Variants in DOK6 observed in about 807,000 individuals in gnomAD.
DOK6 encodes docking protein 6.
Under a neutral mutation model 44.0 loss-of-function variants are expected in DOK6, and 22 were observed. The observed-to-expected ratio is 0.50, with a 90% CI of 0.36 to 0.71. DOK6 has a LOEUF of 0.71. Among genes scored for constraint, DOK6 ranks in the 30% least tolerant of loss-of-function variants. DOK6 has a pLI of 0.00. For missense variants in DOK6, 340 were observed against 416.4 expected, an observed-to-expected ratio of 0.82 and a Z score of 1.60; for synonymous variants, 166 against 145.5, an observed-to-expected ratio of 1.14 and a Z score of -1.01.
intron 1 of DOK6, among the ~76,000 whole-genome samples, chr18:69,440,451 A>C (rs770479377): frequency 6.6e-6 from 1 of 152,102 alleles, no homozygotes; most frequent in Non-Finnish European, 1.5e-5. Flanking sequence ...AAACACAATA[A>C]ATTTAAGTAC....
intron 1 of DOK6, among the ~76,000 whole-genome samples, chr18:69,444,114 T>C (rs1979213859): frequency 6.6e-6 from 1 of 152,138 alleles, no homozygotes; most frequent in Admixed American, 6.6e-5. Context: ...AGACAGGATA[T>C]TAAAATATGT....
chr18:69,540,541 A>G (rs996475926), intron 1 of DOK6, among the ~76,000 whole-genome samples: 2 of 152,152 alleles, frequency 1.3e-5, no homozygotes, highest in African/African-American at 4.8e-5. Context: ...ATTAAGTCAT[A>G]ATCTATTTCC....
At chr18:69,717,941 G>A (rs188635650) in intron 5 of DOK6, among the ~76,000 whole-genome samples, 9 of 152,260 alleles carry the variant, frequency 5.9e-5, no homozygotes, top group Admixed American at 2.0e-4. Context: ...TCAAAGAATC[G>A]GAATATAGAA....
intron 3 of DOK6, among the ~76,000 whole-genome samples, chr18:69,668,778 T>C (rs1985722683): frequency 6.6e-6 from 1 of 152,196 alleles, no homozygotes; most frequent in African/African-American, 2.4e-5. Context: ...ACATGATAAA[T>C]ATATAAAATT....
Position 69,842,598 on chromosome 18 carries a change from A to G in DOK6, c.*1215A>G, listed in dbSNP as rs1025868634. 2.0e-5 allele frequency: 3 copies of G among 152,138 alleles called. No individual in the cohort carries two copies. The highest frequency in any genetic ancestry group is 1.5e-5 in the Non-Finnish European group (1 of 68,022). The allele number at this position is 152,138 out of a possible 1,614,324, so 9.4% of individuals were successfully genotyped here. A position where few individuals can be genotyped will look rare whatever the true frequency, so the allele number is the denominator to read the frequency against. On this transcript the variant is annotated 3_prime_UTR_variant, in exon 8 of 8. Transcript: ENST00000382713. ...CTTGCAGGGCTTTATTTTTTCTTTT[A>G]CTGGACACAGGTTGTCTGAGATTAT...
At chr18:69,691,039 G>T (rs1986253113) in intron 4 of DOK6, among the ~76,000 whole-genome samples, 1 of 151,836 alleles carries the variant, frequency 6.6e-6, no homozygotes, top group East Asian at 1.9e-4. Context: ...TCAAACATTA[G>T]CTGGGCATAG....
At chr18:69,550,777 CTTTTTT>C (rs10538639) in intron 1 of DOK6, among the ~76,000 whole-genome samples, 5 of 121,436 alleles carry the variant, frequency 4.1e-5, no homozygotes, top group Admixed American at 8.7e-5. Context: ...TTGTTTCTTT[CTTTTTT>C]TTTTTTTTTT....
chr18:69,625,843 C>T (rs4243311), intron 3 of DOK6, among the ~76,000 whole-genome samples: 104,309 of 152,052 alleles, frequency 0.69, 39,499 homozygotes, highest in Non-Finnish European at 0.85. Context: ...TTTGTCTCAA[C>T]GGTTTAATGC....
rs187896020 is a variant in DOK6 at position 69,564,758 on chromosome 18, T to C, written c.174+164T>C. Among the ~76,000 whole-genome samples the C allele has an allele frequency of 5.9e-5, 9 of 152,328 alleles. No homozygotes were observed. In the East Asian group the frequency reaches 7.7e-4, roughly 13 times the overall value. ...GTTATTTTTCTCCTTTAATTATCTGTTGTAAATGCCAGTGCTACCTCTGTG... is the reference window on the plus strand; with the variant it reads ...GTTATTTTTCTCCTTTAATTATCTGCTGTAAATGCCAGTGCTACCTCTGTG... On this transcript the variant is annotated intron_variant, in intron 2 of 7. Coordinates refer to ENST00000382713, the MANE Select transcript of DOK6 (RefSeq NM_152721.6).
chr18:69,776,864 T>C (rs1190903508), intron 7 of DOK6, among the ~76,000 whole-genome samples: 1 of 151,930 alleles, frequency 6.6e-6, no homozygotes, highest in Non-Finnish European at 1.5e-5. Context: ...GTATTAGACA[T>C]GACATCAGTT....
chr18:69,814,038 C>A (rs1981323615), intron 7 of DOK6, among the ~76,000 whole-genome samples: 1 of 151,636 alleles, frequency 6.6e-6, no homozygotes, highest in Non-Finnish European at 1.5e-5. Flanking sequence ...AGGGAGGAGA[C>A]ACCAGCAGAA....
intron 1 of DOK6, among the ~76,000 whole-genome samples, chr18:69,544,234 G>A: frequency 6.7e-6 from 1 of 149,878 alleles, no homozygotes; most frequent in South Asian, 2.1e-4. Flanking sequence ...CTCCAGCCTG[G>A]GTGACAGGGC....
chr18:69,401,430 A>T, intron 1 of DOK6, 120 bp downstream of exon 1: 1 of 1,108,750 alleles, frequency 9.0e-7, no homozygotes, highest in Non-Finnish European at 1.2e-6. Flanking sequence ...CCCGGCCCTT[A>T]GGCGGATGGC....
intron 1 of DOK6, among the ~76,000 whole-genome samples, chr18:69,468,465 C>G (rs1979991536): frequency 6.6e-6 from 1 of 152,180 alleles, no homozygotes; most frequent in Non-Finnish European, 1.5e-5. Flanking sequence ...ATAACACACA[C>G]TATAAATTCA....
chr18:69,504,298 C>T (rs551230610), intron 1 of DOK6, among the ~76,000 whole-genome samples: 42 of 151,974 alleles, frequency 2.8e-4, no homozygotes, highest in African/African-American at 9.2e-4. Flanking sequence ...GAAACTGTCC[C>T]AACTACCCCT....
At chr18:69,411,030 G>A (rs1978303733) in intron 1 of DOK6, among the ~76,000 whole-genome samples, 1 of 152,122 alleles carries the variant, frequency 6.6e-6, no homozygotes, top group Admixed American at 6.6e-5. Context: ...ATAGGGCATA[G>A]ATGGATAGAT....
Position 69,599,457 on chromosome 18 carries a change from T to C in DOK6, c.248T>C (p.Ile83Thr). The C allele has an allele frequency of 6.2e-7, 1 of 1,614,030 alleles. No individual in the cohort carries two copies. The highest frequency in any genetic ancestry group is 8.5e-7 in the Non-Finnish European group (1 of 1,179,970). The part of the protein sequence containing the change: ...RETKKHAVAI[I>T]FHDETSKTFA... ...ACAAAGAAGCATGCGGTGGCAATCA[T>C]CTTTCACGATGAAACATCGAAGACA... Residue 83 changes from isoleucine (I) to threonine (T), a missense_variant, in exon 3 of 8, where the codon ATC becomes ACC. Transcript: ENST00000382713.
intron 1 of DOK6, among the ~76,000 whole-genome samples, chr18:69,425,241 T>C (rs543445022): frequency 1.6e-4 from 25 of 152,044 alleles, no homozygotes; most frequent in African/African-American, 6.0e-4. Flanking sequence ...CCACTTCCAG[T>C]TTTTTTATTA....
intron 3 of DOK6, among the ~76,000 whole-genome samples, chr18:69,642,174 T>C (rs1984957395): frequency 6.6e-6 from 1 of 152,226 alleles, no homozygotes; most frequent in African/African-American, 2.4e-5. Flanking sequence ...GACATGATGA[T>C]ACCTACCCTA....
Sources: gnomAD v4.1 joint callset for allele counts (sites outside exome capture counted in the v4.1 genomes callset) on GRCh38, gnomAD v4.1.1 for gene constraint, MANE v1.5 for transcripts, NCBI Gene and HGNC (gene_info 2026-07-23, HGNC 2026-07-21) for gene names.